The following LHFPL2 variants were observed in gnomAD, a reference collection of about 807,000 sequenced individuals.
The protein encoded by LHFPL2 is LHFPL tetraspan subfamily member 2 protein.
A neutral mutation model predicts 17.5 loss-of-function variants in LHFPL2; 7 were observed. That is an observed-to-expected ratio of 0.40 (90% confidence interval 0.23 to 0.75). LHFPL2 has a LOEUF of 0.75. Among genes scored for constraint, LHFPL2 ranks in the 30% least tolerant of loss-of-function variants. The pLI is 0.37. For synonymous variants in LHFPL2, 134 were observed against 116.2 expected (o/e 1.15, Z -0.99); for missense variants, 241 against 294.8 (o/e 0.82, Z 1.34).
At chr5:78,580,663 C>T (rs762040145) in intron 2 of LHFPL2, among the ~76,000 whole-genome samples, 24 of 152,020 alleles carry the variant, frequency 1.6e-4, no homozygotes, top group Non-Finnish European at 2.5e-4. Context: ...TGGAGATATG[C>T]GGCGTTCTTT....
At chr5:78,534,222 C>T (rs991656745) in intron 3 of LHFPL2, among the ~76,000 whole-genome samples, 2 of 152,184 alleles carry the variant, frequency 1.3e-5, no homozygotes, top group Admixed American at 6.5e-5. Flanking sequence ...AGCCGTAGGT[C>T]GAGAGAACAG....
rs1745958732 is a variant in LHFPL2 at position 78,648,239 on chromosome 5, T to C, written c.-350+260A>G. ...TGTTCCCGGCACAACTTTTTTCCACTTCTGCGGCCGCCGGCGGCGCTGAGA... is the reference window on the plus strand; with the variant it reads ...TGTTCCCGGCACAACTTTTTTCCACCTCTGCGGCCGCCGGCGGCGCTGAGA... On this transcript the variant is annotated intron_variant, in intron 1 of 4. Coordinates refer to ENST00000380345, the MANE Select transcript of LHFPL2 (RefSeq NM_005779.3). This position sits in a 1 kb window ranked among gnomAD's most constrained non-coding sequence, Gnocchi z 5.4. Among the ~76,000 whole-genome samples, 1 of 152,036 alleles carries C rather than the reference T, an allele frequency of 6.6e-6. No homozygotes were observed. Among genetic ancestry groups the C allele is most frequent in the Non-Finnish European group, 1.5e-5 (1 of 67,958 alleles).
chr5:78,605,386 A>G (rs1183521616), intron 2 of LHFPL2, among the ~76,000 whole-genome samples: 1 of 152,186 alleles, frequency 6.6e-6, no homozygotes, highest in East Asian at 1.9e-4. Flanking sequence ...TGTCTGGGAA[A>G]TACATGGCCC....
chr5:78,540,163 T>C (rs1231621530), intron 3 of LHFPL2, among the ~76,000 whole-genome samples: 2 of 152,252 alleles, frequency 1.3e-5, no homozygotes, highest in Non-Finnish European at 2.9e-5. Context: ...ATACATACTA[T>C]GCCCATCAAT....
Position 78,488,641 on chromosome 5 carries a change from C to G in LHFPL2, c.*256G>C, listed in dbSNP as rs547963798. On this transcript the variant is annotated 3_prime_UTR_variant, in exon 5 of 5. Transcript: ENST00000380345. The stretch of plus-strand genomic sequence containing the variant: ...TCATTGAACCTGGGGGAGATGGAGT[C>G]TGACAGAACTTGGCAACTCCAGGTC... 51 of 479,248 alleles carry G rather than the reference C, an allele frequency of 1.1e-4. No homozygotes were observed. The highest frequency in any genetic ancestry group is 8.3e-4 in the African/African-American group (43 of 51,608). The allele number at this position is 479,248 out of a possible 1,614,324, so 29.7% of individuals were successfully genotyped here.
chr5:78,535,341 C>T (rs115779838), intron 3 of LHFPL2, among the ~76,000 whole-genome samples: 57 of 152,320 alleles, frequency 3.7e-4, no homozygotes, highest in Middle Eastern at 3.4e-3. Context: ...GACAGACCCC[C>T]CTCAGATTCC....
At chr5:78,614,208 C>T (rs1744518134) in intron 2 of LHFPL2, among the ~76,000 whole-genome samples, 2 of 152,200 alleles carry the variant, frequency 1.3e-5, no homozygotes, top group South Asian at 4.1e-4. Context: ...ATGTGGTCAC[C>T]CTCAGCGTCC....
chr5:78,558,010 A>C (rs1756627375), intron 3 of LHFPL2, among the ~76,000 whole-genome samples: 1 of 152,242 alleles, frequency 6.6e-6, no homozygotes, highest in African/African-American at 2.4e-5. Context: ...GATTAAATCA[A>C]TATTTAATTC....
At chr5:78,568,141 G>A (rs1299072470) in intron 2 of LHFPL2, among the ~76,000 whole-genome samples, 2 of 152,024 alleles carry the variant, frequency 1.3e-5, no homozygotes, top group African/African-American at 4.8e-5. Context: ...TGCAAATATG[G>A]GTTTTTATTC....
At chr5:78,557,215 A>C (rs1756594789) in intron 3 of LHFPL2, among the ~76,000 whole-genome samples, 1 of 152,232 alleles carries the variant, frequency 6.6e-6, no homozygotes. Flanking sequence ...AACACAGAAT[A>C]CCACAGCACT....
chr5:78,547,015 A>G (rs1447336956), intron 3 of LHFPL2, among the ~76,000 whole-genome samples: 1 of 89,136 alleles, frequency 1.1e-5, no homozygotes, highest in Non-Finnish European at 2.6e-5. Context: ...CTGTACTGGT[A>G]AAAAAAAAAA....
At chr5:78,539,834 T>A (rs1756055886) in intron 3 of LHFPL2, among the ~76,000 whole-genome samples, 1 of 141,582 alleles carries the variant, frequency 7.1e-6, no homozygotes, top group Non-Finnish European at 1.5e-5. Context: ...TTTTTTTTTT[T>A]AAGTTAGCAT....
At chr5:78,570,899 G>A (rs901118843) in intron 2 of LHFPL2, among the ~76,000 whole-genome samples, 1 of 151,012 alleles carries the variant, frequency 6.6e-6, no homozygotes, top group African/African-American at 2.5e-5. Context: ...GTGCCTGACA[G>A]TTCTTAGTGG....
At chr5:78,577,414 T>C (rs1172902933) in intron 2 of LHFPL2, among the ~76,000 whole-genome samples, 1 of 152,228 alleles carries the variant, frequency 6.6e-6, no homozygotes, top group African/African-American at 2.4e-5. Context: ...TGACTTGTGA[T>C]TTTATTTCCT....
intron 3 of LHFPL2, among the ~76,000 whole-genome samples, chr5:78,540,918 A>C (rs1756093308): frequency 6.6e-6 from 1 of 152,146 alleles, no homozygotes; most frequent in Non-Finnish European, 1.5e-5. Context: ...AGGAAGCCCC[A>C]ATGTCTGTGA....
At chr5:78,623,431 C>G (rs1364046291) in intron 2 of LHFPL2, among the ~76,000 whole-genome samples, 4 of 152,136 alleles carry the variant, frequency 2.6e-5, no homozygotes, top group Non-Finnish European at 5.9e-5. Context: ...CTTTCTGCCA[C>G]TATGGTTATA....
intron 1 of LHFPL2, chr5:78,642,286 G>GA (rs1745695175): frequency 6.6e-6 from 1 of 152,132 alleles, no homozygotes; most frequent in Admixed American, 6.5e-5. Flanking sequence ...ACATGAATCT[G>GA]GGGGACACAA....
intron 3 of LHFPL2, among the ~76,000 whole-genome samples, chr5:78,549,991 A>C (rs1381316078): frequency 6.6e-6 from 1 of 152,246 alleles, no homozygotes; most frequent in African/African-American, 2.4e-5. Flanking sequence ...TTCTTCAGGT[A>C]CAGTATTTCT....
chr5:78,562,732 A>T (rs187192424), intron 3 of LHFPL2, among the ~76,000 whole-genome samples: 217 of 152,232 alleles, frequency 1.4e-3, no homozygotes, highest in Non-Finnish European at 1.8e-3. Flanking sequence ...CTGACTTGAT[A>T]AAGTGTTACT....
Sources: gnomAD v4.1 joint callset for allele counts (sites outside exome capture counted in the v4.1 genomes callset) on GRCh38, gnomAD v4.1.1 for gene constraint, Gnocchi (gnomAD v3.1) non-coding constraint, MANE v1.5 for transcripts, NCBI Gene and HGNC (gene_info 2026-07-23, HGNC 2026-07-21) for gene names.